CYP2J2: variants seen among roughly 807,000 people sequenced by gnomAD.
CYP2J2 encodes cytochrome P450 2J2.
In CYP2J2, 41 loss-of-function variants were observed where a neutral mutation model predicts 48.8. The ratio of observed to expected loss-of-function variants is 0.84; its 90% CI spans 0.66 to 1.09. The LOEUF (loss-of-function observed/expected upper bound fraction) is 1.09, where lower values mean the gene tolerates loss of function less well. Among genes scored for constraint, CYP2J2 ranks in the 50% least tolerant of loss-of-function variants. CYP2J2 has a pLI of 0.00. For missense variants in CYP2J2, 644 were observed against 617.3 expected, an observed-to-expected ratio of 1.04 and a Z score of -0.46; for synonymous variants, 221 against 227.1, an observed-to-expected ratio of 0.97 and a Z score of 0.24.
At chr1:59,957,641 CAAGG>C in the CYP2J2 span, among the ~76,000 whole-genome samples, 1 of 151,816 alleles carries the variant, frequency 6.6e-6, no homozygotes, top group Admixed American at 6.6e-5. Flanking sequence ...CCATGATAAA[CAAGG>C]AAAGTTCCAT....
chr1:59,923,023 G>A (rs1002774038), intron 1 of CYP2J2, among the ~76,000 whole-genome samples: 9 of 152,236 alleles, frequency 5.9e-5, no homozygotes, highest in African/African-American at 2.2e-4. Context: ...CCCTGCAGGA[G>A]TCAGAGGGCA....
chr1:59,926,569 C>A lies in CYP2J2; in HGVS notation c.178G>T (p.Asp60Tyr). 6.2e-7 allele frequency: 1 copy of A among 1,614,196 alleles called. No homozygotes were observed. Among genetic ancestry groups the A allele is most frequent in the Non-Finnish European group, 8.5e-7 (1 of 1,180,024 alleles). ...ACCTCCAGGTGCGACTGCTCGAAGT[C>A]CACAAGGAAGAAGTTGCCAAGGAAG... The part of the protein sequence containing the change: ...LPFLGNFFLV[D>Y]FEQSHLEVQL... The change falls in exon 1 of 9, where the codon GAC (aspartate) becomes TAC (tyrosine). Residue 60 changes from aspartate (D) to tyrosine (Y), a missense_variant. Coordinates refer to ENST00000371204, the MANE Select transcript of CYP2J2 (RefSeq NM_000775.4).
Position 59,893,411 on chromosome 1 carries a change from T to C in CYP2J2, c.*240A>G. 2.5e-6 allele frequency: 1 copy of C among 404,194 alleles called. No individual in the cohort carries two copies. 25.0% of individuals were successfully genotyped at this position (404,194 alleles called of 1,614,324 possible). A position where few individuals can be genotyped will look rare whatever the true frequency, so the allele number is the denominator to read the frequency against. ...ACTTTCTTTATGGAAGGAAACATTA[T>C]CCTCTTTTCATCTCCTAGATAAAAA... On this transcript the variant is annotated 3_prime_UTR_variant, in exon 9 of 9. Transcript: ENST00000371204.
chr1:59,936,043 A>T, the CYP2J2 span, among the ~76,000 whole-genome samples: 1 of 152,130 alleles, frequency 6.6e-6, no homozygotes, highest in Admixed American at 6.5e-5. Flanking sequence ...GCTGGATTAC[A>T]GGCGTGAGCC....
At chr1:59,938,843 G>T in the CYP2J2 span, among the ~76,000 whole-genome samples, 1 of 152,240 alleles carries the variant, frequency 6.6e-6, no homozygotes, top group Non-Finnish European at 1.5e-5. Context: ...CAGGGCAGAG[G>T]TCCCTGCGGC....
chr1:59,898,623 G>T (rs1644290724), intron 8 of CYP2J2, among the ~76,000 whole-genome samples: 1 of 152,202 alleles, frequency 6.6e-6, no homozygotes, highest in Non-Finnish European at 1.5e-5. Flanking sequence ...GCCTTTAAAT[G>T]GGGAAGTAAG....
At position 59,893,585 on chromosome 1, in the gene CYP2J2, C is replaced by T; in HGVS notation, c.*66G>A. 8.0e-7 allele frequency: 1 copy of T among 1,246,208 alleles called. No homozygotes were observed. Among genetic ancestry groups the T allele is most frequent in the Non-Finnish European group, 1.1e-6 (1 of 893,256 alleles). 77.2% of individuals were successfully genotyped at this position (1,246,208 alleles called of 1,614,324 possible). On this transcript the variant is annotated 3_prime_UTR_variant, in exon 9 of 9. Coordinates refer to ENST00000371204, the MANE Select transcript of CYP2J2 (RefSeq NM_000775.4). ...TTTTGTCCCAACACATCTGAGCAGA[C>T]ACCAGTGGTTTCAGAACACGTGCCA...
chr1:59,935,401 C>T, the CYP2J2 span, among the ~76,000 whole-genome samples: 1 of 151,674 alleles, frequency 6.6e-6, no homozygotes. Flanking sequence ...CTTAAGTATT[C>T]TCACCACACA....
chr1:59,957,795 C>T, the CYP2J2 span, among the ~76,000 whole-genome samples: 3,708 of 152,020 alleles, frequency 0.024, 55 homozygotes, highest in Non-Finnish European at 0.033. Context: ...ATAAAAAAGG[C>T]CCACACAATG....
At chr1:59,968,060 G>A in the CYP2J2 span, among the ~76,000 whole-genome samples, 2 of 152,114 alleles carry the variant, frequency 1.3e-5, no homozygotes, top group Non-Finnish European at 2.9e-5. Flanking sequence ...AAGTGACGCA[G>A]GTAATTGTGC....
intron 5 of CYP2J2, among the ~76,000 whole-genome samples, chr1:59,909,335 T>C (rs1574252467): frequency 6.6e-6 from 1 of 152,176 alleles, no homozygotes; most frequent in African/African-American, 2.4e-5. Context: ...GTTAAGGATT[T>C]TGAGATGGGC....
upstream of CYP2J2, among the ~76,000 whole-genome samples, chr1:59,927,190 G>A (rs545586098): frequency 6.6e-6 from 1 of 152,114 alleles, no homozygotes; most frequent in Non-Finnish European, 1.5e-5. Flanking sequence ...TCTTGCTGTT[G>A]AGGAAACAGA....
At chr1:59,909,475 C>T (rs543575244) in intron 5 of CYP2J2, among the ~76,000 whole-genome samples, 169 of 152,156 alleles carry the variant, frequency 1.1e-3, no homozygotes, top group Non-Finnish European at 2.2e-3. Flanking sequence ...AGAGAAGATG[C>T]TGTGCTTCTG....
At chr1:59,963,293 T>C in the CYP2J2 span, among the ~76,000 whole-genome samples, 1 of 152,174 alleles carries the variant, frequency 6.6e-6, no homozygotes, top group Non-Finnish European at 1.5e-5. Context: ...CACTATGTAA[T>C]CCCAAAACTT....
chr1:59,911,851 A>G, intron 3 of CYP2J2, 83 bp from the exon 4 acceptor site: 1 of 1,355,256 alleles, frequency 7.4e-7, no homozygotes, highest in Non-Finnish European at 1.0e-6. Context: ...ACATGGCATA[A>G]GACATACCTA....
chr1:59,936,541 C>T, the CYP2J2 span, among the ~76,000 whole-genome samples: 1 of 152,154 alleles, frequency 6.6e-6, no homozygotes, highest in Non-Finnish European at 1.5e-5. Flanking sequence ...ACACATGCAC[C>T]TTGGATTTCC....
intron 2 of CYP2J2, among the ~76,000 whole-genome samples, chr1:59,915,272 C>A (rs1644454548): frequency 6.6e-6 from 1 of 152,202 alleles, no homozygotes; most frequent in Non-Finnish European, 1.5e-5. Flanking sequence ...ACTTTTCTTT[C>A]TCTATACTTT....
At chr1:59,899,291 A>G (rs1441789318) in intron 8 of CYP2J2, among the ~76,000 whole-genome samples, 2 of 152,254 alleles carry the variant, frequency 1.3e-5, no homozygotes, top group African/African-American at 4.8e-5. Context: ...AGATAGTCCT[A>G]TGTCTTATAT....
the CYP2J2 span, among the ~76,000 whole-genome samples, chr1:59,950,883 C>A: frequency 2.6e-5 from 4 of 152,182 alleles, no homozygotes; most frequent in Admixed American, 6.5e-5. Flanking sequence ...AGCTGGAATT[C>A]TTTTCCATGT....
Sources: allele counts gnomAD v4.1 joint callset (sites outside exome capture counted in the v4.1 genomes callset), GRCh38; gene constraint gnomAD v4.1.1; transcripts MANE v1.5; gene names NCBI Gene and HGNC (gene_info 2026-07-23, HGNC 2026-07-21).